Variants in LMNTD1 observed in about 807,000 individuals in gnomAD.
The protein encoded by LMNTD1 is lamin tail domain containing 1, also known as lamin tail domain-containing protein 1.
In LMNTD1, 35 loss-of-function variants were observed where a neutral mutation model predicts 50.9. The ratio of observed to expected loss-of-function variants is 0.69; its 90% CI spans 0.53 to 0.91. The LOEUF (loss-of-function observed/expected upper bound fraction) is 0.91. LMNTD1 is among the 40% of genes least tolerant of loss of function. The probability of loss-of-function intolerance (pLI) is 0.00; values close to 1 mark genes in which losing one functional copy is unlikely to be tolerated. For missense variants in LMNTD1, 470 were observed against 475.5 expected, an observed-to-expected ratio of 0.99 and a Z score of 0.11; for synonymous variants, 153 against 161.9, an observed-to-expected ratio of 0.94 and a Z score of 0.42.
At chr12:25,576,836 A>T (rs183579247) in intron 1 of LMNTD1, among the ~76,000 whole-genome samples, 2,916 of 152,160 alleles carry the variant, frequency 0.019, 70 homozygotes, top group African/African-American at 0.059. Context: ...TCTAACATTT[A>T]AGTCTTTAAT....
chr12:25,637,866 T>A (rs1177530673), intron 1 of LMNTD1, among the ~76,000 whole-genome samples: 6 of 151,912 alleles, frequency 3.9e-5, no homozygotes, highest in Admixed American at 3.9e-4. Context: ...CAAAACCATA[T>A]TAAGAAGCCA....
At chr12:25,644,501 C>G (rs540433676) in intron 1 of LMNTD1, among the ~76,000 whole-genome samples, 7 of 151,412 alleles carry the variant, frequency 4.6e-5, no homozygotes, top group African/African-American at 1.7e-4. Flanking sequence ...TACAAACAAA[C>G]GAACAACAAC....
chr12:25,554,900 C>T (rs1352503966), upstream of LMNTD1, among the ~76,000 whole-genome samples: 1 of 151,878 alleles, frequency 6.6e-6, no homozygotes, highest in African/African-American at 2.4e-5. Context: ...CCCGTCTCTA[C>T]TAAAAAAATA....
At chr12:25,632,521 C>T (rs1041463745) in intron 1 of LMNTD1, among the ~76,000 whole-genome samples, 1 of 152,126 alleles carries the variant, frequency 6.6e-6, no homozygotes, top group Non-Finnish European at 1.5e-5. Context: ...AATTAACAGT[C>T]AAGGATTTTG....
At chr12:25,611,614 C>T (rs1946245232) in intron 1 of LMNTD1, among the ~76,000 whole-genome samples, 2 of 152,190 alleles carry the variant, frequency 1.3e-5, no homozygotes, top group Admixed American at 6.6e-5. Flanking sequence ...AGAACAAAAA[C>T]ATAATGAGAA....
chr12:25,583,381 C>A (rs924950489), intron 1 of LMNTD1, among the ~76,000 whole-genome samples: 1 of 151,986 alleles, frequency 6.6e-6, no homozygotes, highest in Non-Finnish European at 1.5e-5. Context: ...GTTGCCCAGG[C>A]TGGTCTTGAA....
chr12:25,502,652 C>T (rs1451062784), intron 9 of LMNTD1, among the ~76,000 whole-genome samples: 2 of 152,152 alleles, frequency 1.3e-5, no homozygotes, highest in Non-Finnish European at 2.9e-5. Flanking sequence ...TTTTCAGTCC[C>T]AATGTCCTAG....
chr12:25,613,047 A>G (rs1946281526), intron 1 of LMNTD1, among the ~76,000 whole-genome samples: 1 of 152,202 alleles, frequency 6.6e-6, no homozygotes, highest in African/African-American at 2.4e-5. Context: ...TCCAGAATAT[A>G]GGAGAATGCA....
intron 4 of LMNTD1, among the ~76,000 whole-genome samples, chr12:25,536,167 T>A (rs748367273): frequency 6.6e-6 from 1 of 152,084 alleles, no homozygotes; most frequent in Non-Finnish European, 1.5e-5. Flanking sequence ...CAATAATTGA[T>A]ACAACAAGTA....
intron 1 of LMNTD1, among the ~76,000 whole-genome samples, chr12:25,567,211 T>C (rs957851206): frequency 7.9e-5 from 12 of 152,240 alleles, no homozygotes; most frequent in African/African-American, 2.9e-4. Context: ...TGGTCAGATA[T>C]GGACTAGTCT....
chr12:25,581,200 T>C (rs554456994), intron 1 of LMNTD1, among the ~76,000 whole-genome samples: 1 of 152,276 alleles, frequency 6.6e-6, no homozygotes, highest in East Asian at 1.9e-4. Context: ...GAAATGGTCA[T>C]ATGGCCAGAG....
chr12:25,561,392 G>A (rs1002299696), intron 1 of LMNTD1, among the ~76,000 whole-genome samples: 6 of 152,064 alleles, frequency 3.9e-5, no homozygotes, highest in African/African-American at 1.2e-4. Context: ...CCTTCATTTC[G>A]TTATGTACCC....
intron 8 of LMNTD1, among the ~76,000 whole-genome samples, chr12:25,504,987 A>T (rs1939640572): frequency 6.6e-6 from 1 of 152,232 alleles, no homozygotes; most frequent in Non-Finnish European, 1.5e-5. Flanking sequence ...TATTTTATGT[A>T]TGTCCTTCCA....
At chr12:25,495,312 T>C (rs1348221719) in intron 9 of LMNTD1, among the ~76,000 whole-genome samples, 1 of 151,436 alleles carries the variant, frequency 6.6e-6, no homozygotes, top group Non-Finnish European at 1.5e-5. Context: ...TGCTTATCTA[T>C]TTGGGGGTAT....
chr12:25,521,629 G>T, intron 6 of LMNTD1, among the ~76,000 whole-genome samples: 1 of 152,094 alleles, frequency 6.6e-6, no homozygotes, highest in East Asian at 1.9e-4. Flanking sequence ...CTGCTTTATT[G>T]AAGTGTTGTA....
At chr12:25,538,669 C>T (rs1387712106) in intron 4 of LMNTD1, among the ~76,000 whole-genome samples, 5 of 124,000 alleles carry the variant, frequency 4.0e-5, no homozygotes, top group East Asian at 2.4e-4. Context: ...CATCAACTAA[C>T]GAGCAAAATA....
intron 1 of LMNTD1, among the ~76,000 whole-genome samples, chr12:25,617,391 A>G (rs999431616): frequency 3.3e-5 from 5 of 152,152 alleles, no homozygotes; most frequent in Non-Finnish European, 7.4e-5. Flanking sequence ...AGTCAAACCT[A>G]TAAGGCAGGT....
chr12:25,558,149 CTTTA>C (rs545020123), upstream of LMNTD1, among the ~76,000 whole-genome samples: 381 of 152,210 alleles, frequency 2.5e-3, 3 homozygotes, highest in African/African-American at 8.8e-3. Flanking sequence ...TCATCTCTGA[CTTTA>C]TTTATTTGGA....
chr12:25,486,568 TC>T (rs1938650190), intron 9 of LMNTD1, among the ~76,000 whole-genome samples: 1 of 144,452 alleles, frequency 6.9e-6, no homozygotes, highest in African/African-American at 2.6e-5. Context: ...AGAGAGGGCA[TC>T]CCTGTCTTGT....
Sources: gnomAD v4.1 joint callset for allele counts (sites outside exome capture counted in the v4.1 genomes callset) on GRCh38, gnomAD v4.1.1 for gene constraint, MANE v1.5 for transcripts, NCBI Gene and HGNC (gene_info 2026-07-23, HGNC 2026-07-21) for gene names.